Variants in TMEM63A observed in about 807,000 individuals in gnomAD.
TMEM63A encodes mechanosensitive cation channel TMEM63A.
TMEM63A carries 76 observed loss-of-function variants against 100.6 expected under a neutral mutation model. That is an observed-to-expected ratio of 0.76 (90% CI 0.63 to 0.91). The LOEUF is 0.91. Among genes scored for constraint, TMEM63A ranks in the 40% least tolerant of loss-of-function variants. The pLI, the probability that TMEM63A is intolerant of heterozygous loss-of-function variation, is 0.00. For missense variants in TMEM63A, 876 were observed against 1,008.8 expected (o/e 0.87, Z 1.78); for synonymous variants, 401 against 401.1 (o/e 1.00, Z 0.00).
At position 225,866,557 on chromosome 1, in the gene TMEM63A, A is replaced by C. The variant is rs201964012; in HGVS notation, c.675+17T>G. The C allele has an allele frequency of 9.3e-6, 15 of 1,611,044 alleles. No individual in the cohort carries two copies. The Admixed American group carries it at 1.7e-4, about 18-fold the overall frequency. ...GAGTCCCTCCCAGCACATGTCCCTA[A>C]GTCCCGCCTCACTCACCAGGTTCTC... On this transcript the variant is annotated intron_variant, in intron 9 of 24. Transcript: ENST00000366835.
intron 4 of TMEM63A, among the ~76,000 whole-genome samples, chr1:225,873,082 T>C (rs1670599415): frequency 1.3e-5 from 2 of 152,150 alleles, no homozygotes; most frequent in African/African-American, 4.8e-5. Flanking sequence ...TTTAAAAGCC[T>C]TTGCAGAGAC....
intron 15 of TMEM63A, among the ~76,000 whole-genome samples, chr1:225,857,379 C>CGGGGGGGGGGGGGGGGGG (rs369068747): frequency 1.8e-5 from 2 of 112,716 alleles, no homozygotes; most frequent in African/African-American, 8.8e-5. Flanking sequence ...TCCTGGCCGG[C>CGGGGGGGGGGGGGGGGGG]GGGGCGGGGG....
In TMEM63A at chr1:225,856,892, G is replaced by C; in HGVS notation, c.1484+19C>G. The C allele has an allele frequency of 6.2e-7, 1 of 1,607,866 alleles. No individual in the cohort carries two copies. The highest frequency in any genetic ancestry group is 8.5e-7 in the Non-Finnish European group (1 of 1,177,370). On this transcript the variant is annotated intron_variant, in intron 16 of 24. Coordinates refer to ENST00000366835, the MANE Select transcript of TMEM63A (RefSeq NM_014698.3). ...ATATCCTTCTTAGGGGCAGGGCCTC[G>C]GGGCTCCCGGGCACTCACTTGGTCC... is the stretch of plus-strand genomic sequence containing the variant.
rs1670295946 is a variant in TMEM63A at position 225,867,946 on chromosome 1, C to T, written c.456G>A (p.Val152=). The T allele has an allele frequency of 1.2e-6, 2 of 1,614,120 alleles. No individual in the cohort carries two copies. The highest frequency in any genetic ancestry group is 1.7e-6 in the Non-Finnish European group (2 of 1,180,024). Residue 152 remains valine, a synonymous_variant, in exon 7 of 25, where the codon GTG becomes GTA. Transcript: ENST00000366835. The surrounding 1 kb of genome is among the most constrained non-coding windows in gnomAD (Gnocchi z 4.6). The part of the protein sequence containing the change: ...FQRHIIFLLV[V]VSFLSLCVIL... ...TGACACACAGGGACAAAAAGCTGAC[C>T]ACCACCAACAGGAAGATGATGTGCC...
chr1:225,844,841 C>T (rs1296733968), downstream of TMEM63A, among the ~76,000 whole-genome samples: 1 of 152,166 alleles, frequency 6.6e-6, no homozygotes, highest in African/African-American at 2.4e-5. Context: ...CTCAGTACCG[C>T]TCCCCAGTCT....
rs185409228 is a variant in TMEM63A at position 225,845,923 on chromosome 1, T to C, written c.*1016A>G. On this transcript the variant is annotated 3_prime_UTR_variant, in exon 25 of 25. Transcript: ENST00000366835. ...TGTGCTAGGAGCCTGGACCTGCTCT[T>C]CCACACCCCCATCCCGCCCCTACTG... The C allele has an allele frequency of 4.7e-4, 81 of 173,218 alleles. 2 individuals carry two copies. The highest frequency in any genetic ancestry group is 1.8e-3 in the African/African-American group (75 of 41,948). 10.7% of individuals were successfully genotyped at this position (173,218 alleles called of 1,614,324 possible).
At chr1:225,875,096 G>A (rs542524300) in intron 3 of TMEM63A, among the ~76,000 whole-genome samples, 11 of 152,304 alleles carry the variant, frequency 7.2e-5, no homozygotes, top group East Asian at 1.9e-4. Context: ...AGCCAGAAAC[G>A]GTCAGTTTTT....
intron 15 of TMEM63A, 148 bp downstream of exon 15, chr1:225,859,048 G>C (rs1669800235): frequency 2.7e-6 from 3 of 1,117,760 alleles, no homozygotes; most frequent in Non-Finnish European, 3.8e-6. Flanking sequence ...CCTGCTCAGG[G>C]CTTAAAAGCA....
At chr1:225,874,193 C>G (rs1302594058) in intron 4 of TMEM63A, 95 bp downstream of exon 4, 3 of 1,213,798 alleles carry the variant, frequency 2.5e-6, no homozygotes, top group Non-Finnish European at 3.5e-6. Context: ...ACTATACACA[C>G]ATATATGCAC....
chr1:225,875,242 C>T (rs1303624195), intron 3 of TMEM63A, among the ~76,000 whole-genome samples: 1 of 152,196 alleles, frequency 6.6e-6, no homozygotes, highest in East Asian at 1.9e-4. Context: ...TGGGACACCT[C>T]AGCAAGCTTG....
intron 3 of TMEM63A, 82 bp downstream of exon 3, chr1:225,877,308 TTCTCA>T: frequency 2.8e-6 from 4 of 1,447,524 alleles, no homozygotes; most frequent in Middle Eastern, 1.8e-4. Context: ...TATGTCTGAC[TTCTCA>T]TCTAAGTTTC....
intron 3 of TMEM63A, among the ~76,000 whole-genome samples, chr1:225,874,814 C>T (rs754796433): frequency 5.3e-5 from 8 of 152,342 alleles, no homozygotes; most frequent in South Asian, 2.1e-4. Context: ...CGGCTCACTG[C>T]AACTTCCCCT....
Position 225,847,322 on chromosome 1 carries a change from CAT to C in TMEM63A, c.2251-111_2251-110del. On this transcript the variant is annotated intron_variant, in intron 23 of 24. Coordinates refer to ENST00000366835, the MANE Select transcript of TMEM63A (RefSeq NM_014698.3). ...GGACACAGACAGTGGCCATAAAGGA[CAT>C]ATGAAGAAACACCGACATCCATTTA... The C allele has an allele frequency of 5.8e-6, 8 of 1,372,538 alleles. No individual in the cohort carries two copies. The South Asian group carries it at 1.2e-4, about 20-fold the overall frequency. The allele number at this position is 1,372,538 out of a possible 1,614,324, so 85.0% of individuals were successfully genotyped here.
At chr1:225,863,353 T>C (rs1670039940) in intron 10 of TMEM63A, among the ~76,000 whole-genome samples, 1 of 152,148 alleles carries the variant, frequency 6.6e-6, no homozygotes, top group African/African-American at 2.4e-5. Context: ...CGCTAGCCTT[T>C]TTTAGTAGTA....
chr1:225,865,871 G>A lies in TMEM63A; in HGVS notation c.746+26C>T. ...GTTGGTCCTACGTGGAGGGGGCTCA[G>A]CTCCCCTCCCACCCCACCTGCTTAC... is the stretch of plus-strand genomic sequence containing the variant. On this transcript the variant is annotated intron_variant, in intron 10 of 24. Transcript: ENST00000366835. This position sits in a 1 kb window ranked among gnomAD's most constrained non-coding sequence, Gnocchi z 4.6. 1 of 1,610,846 alleles carries A rather than the reference G, an allele frequency of 6.2e-7. No individual in the cohort carries two copies. Among genetic ancestry groups the A allele is most frequent in the Non-Finnish European group, 8.5e-7 (1 of 1,177,796 alleles).
intron 23 of TMEM63A, chr1:225,848,219 A>C (rs1669121777): frequency 8.3e-6 from 4 of 483,460 alleles, no homozygotes; most frequent in Non-Finnish European, 1.5e-5. Flanking sequence ...CCAGGCATTA[A>C]ATATGCAGAG....
In TMEM63A at chr1:225,853,776, A is replaced by C; in HGVS notation, c.1650T>G (p.Pro550=). Residue 550 remains proline, a synonymous_variant, in exon 19 of 25, where the codon CCT becomes CCG. Transcript: ENST00000366835. This position sits in a 1 kb window ranked among gnomAD's most constrained non-coding sequence, Gnocchi z 4.0. Reference sequence around the variant, plus strand: ...AGTTCACAAAGAAGGCACCCTGGTCAGGCAGGAAGACGCACCTGGGGAAAC... The same window carrying C: ...AGTTCACAAAGAAGGCACCCTGGTCCGGCAGGAAGACGCACCTGGGGAAAC... ...ASIRLECVFL[P]DQGAFFVNYV... is the part of the protein sequence containing the mutation. 1 of 1,605,218 alleles carries C rather than the reference A, an allele frequency of 6.2e-7. No individual in the cohort carries two copies. Among genetic ancestry groups the C allele is most frequent in the Non-Finnish European group, 8.5e-7 (1 of 1,175,558 alleles).
intron 13 of TMEM63A, chr1:225,861,919 G>C (rs980949306): frequency 2.3e-6 from 1 of 435,400 alleles, no homozygotes; most frequent in African/African-American, 2.0e-5. Flanking sequence ...AAGCCAACAG[G>C]ATGGGTCCAG....
In TMEM63A at chr1:225,862,863, G is replaced by C. The variant is rs753366328; in HGVS notation, c.747-12C>G. ...TGGGATACGCGTCCCTGTGGCCAGG[G>C]AGAGAAGGAGGCAAAAGACACCGTT... On this transcript the variant is annotated splice_polypyrimidine_tract_variant and intron_variant, in intron 10 of 24. Coordinates refer to ENST00000366835, the MANE Select transcript of TMEM63A (RefSeq NM_014698.3). This position sits in a 1 kb window ranked among gnomAD's most constrained non-coding sequence, Gnocchi z 5.1. 6.8e-6 allele frequency: 11 copies of C among 1,613,272 alleles called. No individual in the cohort carries two copies. Among genetic ancestry groups the C allele is most frequent in the Non-Finnish European group, 9.3e-6 (11 of 1,179,782 alleles).
Sources: gnomAD v4.1 joint callset for allele counts (sites outside exome capture counted in the v4.1 genomes callset) on GRCh38, gnomAD v4.1.1 for gene constraint, Gnocchi (gnomAD v3.1) non-coding constraint, MANE v1.5 for transcripts, NCBI Gene and HGNC (gene_info 2026-07-23, HGNC 2026-07-21) for gene names.